The following PPDPFL variants were observed in gnomAD, a reference collection of about 807,000 sequenced individuals.
The protein encoded by PPDPFL is pancreatic progenitor cell differentiation and proliferation factor like.
In PPDPFL, 12 loss-of-function variants were observed where a neutral mutation model predicts 12.6. The observed-to-expected ratio is 0.95, with a 90% CI of 0.61 to 1.54. The LOEUF (loss-of-function observed/expected upper bound fraction) is 1.54, where lower values mean the gene tolerates loss of function less well. Ranked by LOEUF, PPDPFL falls within the 40% of genes most tolerant of loss-of-function variation. The probability of loss-of-function intolerance (pLI) is 0.00; values close to 1 mark genes in which losing one functional copy is unlikely to be tolerated. For missense variants in PPDPFL, 114 were observed against 96.0 expected (o/e 1.19, Z -0.78); for synonymous variants, 24 against 32.7 (o/e 0.73, Z 0.91).
chr8:49,057,517 A>G (rs1228407425), intron 1 of PPDPFL, among the ~76,000 whole-genome samples: 2 of 152,192 alleles, frequency 1.3e-5, no homozygotes, highest in Admixed American at 6.5e-5. Context: ...CATTGATAGC[A>G]TAAAGCACTG....
chr8:49,059,435 G>A (rs1808161514), intron 1 of PPDPFL, among the ~76,000 whole-genome samples: 1 of 152,174 alleles, frequency 6.6e-6, no homozygotes, highest in South Asian at 2.1e-4. Context: ...AATTAGAAAT[G>A]AGTGTGGATT....
At chr8:49,059,536 C>A (rs1414044124) in intron 1 of PPDPFL, among the ~76,000 whole-genome samples, 2 of 152,264 alleles carry the variant, frequency 1.3e-5, no homozygotes, top group East Asian at 3.9e-4. Context: ...CTGTCTTTGG[C>A]AAATATTTTA....
At chr8:49,058,476 A>G (rs1028499230) in intron 1 of PPDPFL, among the ~76,000 whole-genome samples, 1 of 152,254 alleles carries the variant, frequency 6.6e-6, no homozygotes, top group South Asian at 2.1e-4. Flanking sequence ...TTAAAAGATC[A>G]GCTTGCTGGA....
At chr8:49,070,594 A>T (rs998838279), upstream of PPDPFL, among the ~76,000 whole-genome samples, 4 of 152,222 alleles carry the variant, frequency 2.6e-5, no homozygotes, top group Non-Finnish European at 5.9e-5. Flanking sequence ...ATTTCTTTGA[A>T]AAAATTGGCT....
At chr8:49,063,889 C>T (rs1808253483) in intron 1 of PPDPFL, among the ~76,000 whole-genome samples, 1 of 152,090 alleles carries the variant, frequency 6.6e-6, no homozygotes, top group South Asian at 2.1e-4. Context: ...TTTTCCTTCC[C>T]AGTAGTGTCA....
upstream of PPDPFL, among the ~76,000 whole-genome samples, chr8:49,068,728 C>T (rs776820686): frequency 7.9e-5 from 12 of 152,032 alleles, no homozygotes; most frequent in Non-Finnish European, 1.8e-4. Context: ...GGAAGAAACA[C>T]TGTGGTACTC....
At chr8:49,070,319 G>C (rs112995298), upstream of PPDPFL, among the ~76,000 whole-genome samples, 5,231 of 152,170 alleles carry the variant, frequency 0.034, 316 homozygotes, top group African/African-American at 0.12. Context: ...GGTAATGAAA[G>C]AATCTGTACA....
rs576008148 is a variant in PPDPFL, at chr8:49,057,115, C to G, written c.-45+2746C>G. ...TGTGACATATGTGCAAGTTATGAAG[C>G]CCTTAGTACTGTACCCTAAAATGAC... On this transcript the variant is annotated intron_variant, in intron 1 of 4. Coordinates refer to the PPDPFL transcript ENST00000517663. Among the ~76,000 whole-genome samples, 14 of 152,248 alleles carry G rather than the reference C, an allele frequency of 9.2e-5. No individual in the cohort carries two copies. In the East Asian group the frequency reaches 2.1e-3, roughly 23 times the overall value.
At chr8:49,074,892 A>G (rs1808464454) in intron 4 of PPDPFL, 1 of 1,387,846 alleles carries the variant, frequency 7.2e-7, no homozygotes. Flanking sequence ...TAAATGGAAT[A>G]GAAAGAATCT....
Position 49,075,364 on chromosome 8 carries a change from G to C in PPDPFL, c.*191G>C. 1 of 1,165,568 alleles carries C rather than the reference G, an allele frequency of 8.6e-7. No individual in the cohort carries two copies. The allele number at this position is 1,165,568 out of a possible 1,614,324, so 72.2% of individuals were successfully genotyped here. ...TGTAAGAAGACAGAAATGTGTCTGA[G>C]ATCTCATTTATGAGACAAGATCACA... On this transcript the variant is annotated 3_prime_UTR_variant, in exon 5 of 5. Transcript: ENST00000522267.
At chr8:49,055,374 A>C (rs568814856) in intron 1 of PPDPFL, among the ~76,000 whole-genome samples, 2 of 152,094 alleles carry the variant, frequency 1.3e-5, no homozygotes, top group South Asian at 4.2e-4. Context: ...CACCACACTT[A>C]TAATAATTTC....
At position 49,059,072 on chromosome 8, in the gene PPDPFL, G is replaced by A. The variant is rs148924263; in HGVS notation, c.-45+4703G>A. Among the ~76,000 whole-genome samples, 567 of 152,298 alleles carry A rather than the reference G, an allele frequency of 3.7e-3. 5 individuals are homozygous for A. The highest frequency in any genetic ancestry group is 6.1e-3 in the Non-Finnish European group (418 of 68,028). On this transcript the variant is annotated intron_variant, in intron 1 of 4. Transcript: ENST00000517663. The stretch of plus-strand genomic sequence containing the variant: ...TATGGACACATTCCCTGAGAACAGT[G>A]TCTGTGGCACCCCACTTTAGTTTGA...
intron 4 of PPDPFL, 44 bp downstream of exon 4, chr8:49,074,377 A>T (rs762086573): frequency 4.4e-6 from 7 of 1,594,222 alleles, no homozygotes. Flanking sequence ...TTACTTAGTG[A>T]ATGAAATAAT....
rs149905430 is a variant in PPDPFL, at chr8:49,058,324, G to A, written c.-45+3955G>A. Reference sequence around the variant, plus strand: ...ACCATATATTACAATATGCAGTTCTGGGATTTGTTGTTCCATTTCTGTGTT... The same window carrying A: ...ACCATATATTACAATATGCAGTTCTAGGATTTGTTGTTCCATTTCTGTGTT... On this transcript the variant is annotated intron_variant, in intron 1 of 4. Transcript: ENST00000517663. 1.3e-3 allele frequency among the ~76,000 whole-genome samples: 198 copies of A among 152,244 alleles called. 2 individuals carry two copies. Among genetic ancestry groups the A allele is most frequent in the African/African-American group, 4.5e-3 (188 of 41,552 alleles).
At chr8:49,055,178 G>A (rs1462851705) in intron 1 of PPDPFL, among the ~76,000 whole-genome samples, 3 of 149,104 alleles carry the variant, frequency 2.0e-5, no homozygotes, top group Non-Finnish European at 3.0e-5. Flanking sequence ...GTTAAGTAGT[G>A]TTCATTTTAT....
chr8:49,073,986 G>T, intron 2 of PPDPFL, 73 bp from the exon 3 acceptor site: 1 of 966,264 alleles, frequency 1.0e-6, no homozygotes, highest in Non-Finnish European at 1.7e-6. Flanking sequence ...TTGACAGTTT[G>T]TATATAAATG....
chr8:49,067,177 T>C (rs562960767), intron 1 of PPDPFL, among the ~76,000 whole-genome samples: 24 of 152,364 alleles, frequency 1.6e-4, no homozygotes, highest in African/African-American at 5.5e-4. Context: ...GATATTATTA[T>C]TTCCTTTTTC....
intron 1 of PPDPFL, among the ~76,000 whole-genome samples, chr8:49,057,170 T>C (rs1365544058): frequency 6.6e-6 from 1 of 152,238 alleles, no homozygotes; most frequent in African/African-American, 2.4e-5. Flanking sequence ...AATATATGCA[T>C]TGTTTTAGCG....
intron 1 of PPDPFL, among the ~76,000 whole-genome samples, chr8:49,063,390 T>G (rs1223350021): frequency 6.6e-6 from 1 of 152,146 alleles, no homozygotes; most frequent in Admixed American, 6.5e-5. Context: ...AATTGCATCC[T>G]GGGAGAAATG....
Sources: gnomAD v4.1 joint callset for allele counts (sites outside exome capture counted in the v4.1 genomes callset) on GRCh38, gnomAD v4.1.1 for gene constraint, MANE v1.5 for transcripts, NCBI Gene and HGNC (gene_info 2026-07-23, HGNC 2026-07-21) for gene names.